Variants in TBX19 observed in about 807,000 individuals in gnomAD.
The protein encoded by TBX19 is T-box transcription factor TBX19.
Under a neutral mutation model 40.9 loss-of-function variants are expected in TBX19, and 33 were observed. That is an observed-to-expected ratio of 0.81 (90% CI 0.61 to 1.08). TBX19 has a LOEUF of 1.08. Ranked by LOEUF, TBX19 falls within the 50% of genes least tolerant of loss-of-function variation. TBX19 has a pLI of 0.00. For synonymous variants in TBX19, 220 were observed against 225.0 expected (o/e 0.98, Z 0.20); for missense variants, 494 against 574.0 (o/e 0.86, Z 1.42).
At chr1:168,283,254 C>A (rs1009120153) in intron 1 of TBX19, among the ~76,000 whole-genome samples, 2 of 152,166 alleles carry the variant, frequency 1.3e-5, no homozygotes, top group African/African-American at 4.8e-5. Context: ...AGTCTGATTG[C>A]GGTGAACTTG....
chr1:168,305,952 G>A (rs912136169), intron 6 of TBX19, among the ~76,000 whole-genome samples: 3 of 152,148 alleles, frequency 2.0e-5, no homozygotes, highest in East Asian at 1.9e-4. Context: ...GGAATGAAAT[G>A]GACAAATGCC....
rs536302960 is a variant in TBX19, at chr1:168,299,634, C to A, written c.666-788C>A. On this transcript the variant is annotated intron_variant, in intron 4 of 7. Transcript: ENST00000367821. ...GGGACTACAGGCATGTGCCACCATGCCTGGCTATGTGTTTTTTTTAAAGAG... is the reference window on the plus strand; with the variant it reads ...GGGACTACAGGCATGTGCCACCATGACTGGCTATGTGTTTTTTTTAAAGAG... Among the ~76,000 whole-genome samples, 3 of 152,186 alleles carry A rather than the reference C, an allele frequency of 2.0e-5. No homozygotes were observed. The South Asian group carries it at 6.2e-4, about 32-fold the overall frequency.
chr1:168,298,953 G>A (rs1649200313), intron 4 of TBX19, among the ~76,000 whole-genome samples: 1 of 126,854 alleles, frequency 7.9e-6, no homozygotes, highest in Admixed American at 8.9e-5. Flanking sequence ...TTTTTTTTGA[G>A]ACAGAGTCAG....
At chr1:168,291,727 A>T (rs1349027503) in intron 2 of TBX19, among the ~76,000 whole-genome samples, 1 of 151,912 alleles carries the variant, frequency 6.6e-6, no homozygotes, top group Non-Finnish European at 1.5e-5. Flanking sequence ...TAGGAGGGAG[A>T]TGTTTGTGGG....
chr1:168,312,796 T>C lies in TBX19; in HGVS notation c.1141T>C (p.Phe381Leu). 6.2e-7 allele frequency: 1 copy of C among 1,614,202 alleles called. No individual in the cohort carries two copies. The highest frequency in any genetic ancestry group is 1.1e-5 in the South Asian group (1 of 91,086). ...GGTGCACGCCAGCACCCCAGGAGCA[T>C]TTCTCCTCGGAAACCCAGCTGTGAC... ...PEVHASTPGA[F>L]LLGNPAVTSP... The change falls in exon 8 of 8, where the codon TTT (phenylalanine) becomes CTT (leucine). Residue 381 changes from phenylalanine to leucine, a missense_variant. Around this residue, in one of 3 missense-constraint regions of TBX19, gnomAD observed 284 missense variants for 307.3 expected, o/e 0.92. Transcript: ENST00000367821.
At chr1:168,298,512 C>T (rs1649172789) in intron 4 of TBX19, among the ~76,000 whole-genome samples, 1 of 152,124 alleles carries the variant, frequency 6.6e-6, no homozygotes, top group Admixed American at 6.5e-5. Flanking sequence ...CACATTTCCT[C>T]TGCTGAGAAA....
intron 7 of TBX19, among the ~76,000 whole-genome samples, chr1:168,310,406 G>A (rs957327455): frequency 6.6e-6 from 1 of 152,048 alleles, no homozygotes; most frequent in East Asian, 1.9e-4. Flanking sequence ...GAATCACCTG[G>A]GGTTGTTGTT....
At position 168,298,897 on chromosome 1, in the gene TBX19, T is replaced by TTCTC. The variant is rs373554389; in HGVS notation, c.665+1124_665+1127dup. The stretch of plus-strand genomic sequence containing the variant: ...TTTCTTTCTTTCTTTCTTTCTTTCT[T>TTCTC]TCTCTCTCTCTCTCTTTCTTTCATT... On this transcript the variant is annotated intron_variant, in intron 4 of 7. Coordinates refer to ENST00000367821, the MANE Select transcript of TBX19 (RefSeq NM_005149.3). Among the ~76,000 whole-genome samples, 131 of 103,936 alleles carry TTCTC rather than the reference T, an allele frequency of 1.3e-3. 3 individuals are homozygous for TTCTC. Among genetic ancestry groups the TTCTC allele is most frequent in the East Asian group, 5.4e-3 (15 of 2,756 alleles). The allele number at this position is 103,936 out of a possible 152,430, so 68.2% of individuals were successfully genotyped here. A position where few individuals can be genotyped will look rare whatever the true frequency, so the allele number is the denominator to read the frequency against.
chr1:168,291,902 G>GA (rs966895184), intron 2 of TBX19, among the ~76,000 whole-genome samples: 19 of 150,920 alleles, frequency 1.3e-4, no homozygotes, highest in South Asian at 4.2e-4. Context: ...GGTTTTTCAG[G>GA]AAAAAAAAAT....
intron 1 of TBX19, among the ~76,000 whole-genome samples, chr1:168,290,644 G>C (rs1191427385): frequency 6.6e-6 from 1 of 152,152 alleles, no homozygotes. Context: ...TCTAACTCCT[G>C]TGCTCAAGCA....
chr1:168,294,767 G>T (rs1649058194), intron 3 of TBX19, among the ~76,000 whole-genome samples: 1 of 152,158 alleles, frequency 6.6e-6, no homozygotes, highest in South Asian at 2.1e-4. Context: ...TTCCCAAAGT[G>T]TTGGGATTAC....
chr1:168,311,422 A>G (rs967868573), intron 7 of TBX19, among the ~76,000 whole-genome samples: 5 of 152,146 alleles, frequency 3.3e-5, no homozygotes, highest in Admixed American at 6.5e-5. Flanking sequence ...TGTAAGAGAT[A>G]ATGTAGAAGA....
chr1:168,310,906 A>G (rs1558196018), intron 7 of TBX19, among the ~76,000 whole-genome samples: 1 of 148,440 alleles, frequency 6.7e-6, no homozygotes, highest in African/African-American at 2.4e-5. Flanking sequence ...AAATATATAC[A>G]TATAAATATA....
At position 168,291,292 on chromosome 1, in the gene TBX19, C is replaced by T. The variant is rs1396585670; in HGVS notation, c.336C>T (p.Gly112=). The T allele has an allele frequency of 1.2e-6, 2 of 1,614,198 alleles. No individual in the cohort carries two copies. The highest frequency in any genetic ancestry group is 3.3e-5 in the Admixed American group (2 of 60,026). The change falls in exon 2 of 8, where the codon GGC becomes GGT. Residue 112 remains glycine (G), a synonymous_variant. Coordinates refer to ENST00000367821, the MANE Select transcript of TBX19 (RefSeq NM_005149.3). ...KYVNGEWVPA[G]KPEVSSHSCV... ...TCAACGGGGAATGGGTGCCCGCTGGCAAGCCAGAGGTCTCCAGCCACAGCT... is the reference window on the plus strand; with the variant it reads ...TCAACGGGGAATGGGTGCCCGCTGGTAAGCCAGAGGTCTCCAGCCACAGCT...
At chr1:168,303,521 C>A (rs550453876) in intron 5 of TBX19, among the ~76,000 whole-genome samples, 1 of 152,150 alleles carries the variant, frequency 6.6e-6, no homozygotes, top group Admixed American at 6.5e-5. Context: ...GATCCAGACC[C>A]CAACAAAGGG....
intron 7 of TBX19, among the ~76,000 whole-genome samples, chr1:168,310,958 T>C (rs1489265419): frequency 1.3e-5 from 2 of 150,210 alleles, no homozygotes; most frequent in Non-Finnish European, 3.0e-5. Flanking sequence ...ATTTTGAATA[T>C]TTTTGTTAAA....
chr1:168,286,548 A>G (rs1474877109), intron 1 of TBX19, among the ~76,000 whole-genome samples: 1 of 152,268 alleles, frequency 6.6e-6, no homozygotes, highest in East Asian at 1.9e-4. Flanking sequence ...TCAATGTTGT[A>G]GCATGTATCA....
In TBX19 at chr1:168,309,330, G is replaced by A. The variant is rs557066024; in HGVS notation, c.1052+453G>A. On this transcript the variant is annotated intron_variant, in intron 7 of 7. Transcript: ENST00000367821. ...AGAGGTTGCAGTGAGCTGAGATTGC[G>A]CCATTGCACTCCAGCTTGGGCAACA... 3.3e-5 allele frequency among the ~76,000 whole-genome samples: 5 copies of A among 152,222 alleles called. No homozygotes were observed. In the East Asian group the frequency reaches 5.8e-4, roughly 18 times the overall value.
Position 168,291,406 on chromosome 1 carries a change from G to C in TBX19, c.450G>C (p.Lys150Asn), listed in dbSNP as rs753050047. The change falls in exon 2 of 8, where the codon AAG becomes AAC. Residue 150 changes from lysine (K) to asparagine (N), a missense_variant. Physicochemically the swap from Lys to Asn is moderately conservative, Grantham distance 94. This residue lies in a region of TBX19 where 201 missense variants were observed against 235.2 expected (regional missense o/e 0.85). Coordinates refer to ENST00000367821, the MANE Select transcript of TBX19 (RefSeq NM_005149.3). ...ISFSKVKLTN[K>N]LNGGGQIMLN... ...TCAGCAAAGTGAAGCTGACCAACAAGCTCAATGGAGGCGGGCAGGTACGAA... is the reference window on the plus strand; with the variant it reads ...TCAGCAAAGTGAAGCTGACCAACAACCTCAATGGAGGCGGGCAGGTACGAA... 1 of 1,614,192 alleles carries C rather than the reference G, an allele frequency of 6.2e-7. No individual in the cohort carries two copies. Among genetic ancestry groups the C allele is most frequent in the Middle Eastern group, 1.6e-4 (1 of 6,062 alleles).
Sources: allele counts gnomAD v4.1 joint callset (sites outside exome capture counted in the v4.1 genomes callset), GRCh38; gene constraint gnomAD v4.1.1; regional missense constraint gnomAD v4.1.1; transcripts MANE v1.5; gene names NCBI Gene and HGNC (gene_info 2026-07-23, HGNC 2026-07-21).